IL15RA: variants seen among roughly 807,000 people sequenced by gnomAD.
The protein encoded by IL15RA is interleukin 15 receptor subunit alpha.
A neutral mutation model predicts 24.2 loss-of-function variants in IL15RA; 26 were observed. The ratio of observed to expected loss-of-function variants is 1.07; its 90% CI spans 0.79 to 1.49. The LOEUF (loss-of-function observed/expected upper bound fraction) is 1.49, where lower values mean the gene tolerates loss of function less well. Ranked by LOEUF, IL15RA falls within the 40% of genes most tolerant of loss-of-function variation. The pLI, the probability that IL15RA is intolerant of heterozygous loss-of-function variation, is 0.00. For synonymous variants in IL15RA, 166 were observed against 157.6 expected, an observed-to-expected ratio of 1.05 and a Z score of -0.40; for missense variants, 354 against 356.4, an observed-to-expected ratio of 0.99 and a Z score of 0.05.
Position 5,962,055 on chromosome 10 carries a change from G to A in IL15RA, c.383-1488C>T, listed in dbSNP as rs977692992. Among the ~76,000 whole-genome samples the A allele has an allele frequency of 1.3e-5, 2 of 152,192 alleles. No individual in the cohort carries two copies. The highest frequency in any genetic ancestry group is 2.4e-5 in the African/African-American group (1 of 41,456). ...GCTTCTGACTGCACCATTGTGTCTC[G>A]ACAATGGCCATCGGACCAGGTATTG... On this transcript the variant is annotated intron_variant, in intron 3 of 6. Transcript: ENST00000379977. This position sits in a 1 kb window ranked among gnomAD's most constrained non-coding sequence, Gnocchi z 5.2.
Position 5,968,938 on chromosome 10 carries a change from G to T in IL15RA, c.89-2599C>A. 6.5e-7 allele frequency: 1 copy of T among 1,533,656 alleles called. No homozygotes were observed. The highest frequency in any genetic ancestry group is 8.7e-7 in the Non-Finnish European group (1 of 1,145,112). On this transcript the variant is annotated intron_variant, in intron 1 of 6. Transcript: ENST00000379977. This position sits in a 1 kb window ranked among gnomAD's most constrained non-coding sequence, Gnocchi z 5.4. ...AGCCTGTCTCTTGCATCTGTAACAGGTTTTGTACAGGAAGTGTTCCCTGCC... is the reference window on the plus strand; with the variant it reads ...AGCCTGTCTCTTGCATCTGTAACAGTTTTTGTACAGGAAGTGTTCCCTGCC...
Position 5,962,161 on chromosome 10 carries a change from G to A in IL15RA, c.382+1582C>T, listed in dbSNP as rs1205472653. ...ACCAGGTGTGACTCAGATCAAAGGG[G>A]TTGTAGAATTACTTCAAGTTTAAAT... On this transcript the variant is annotated intron_variant, in intron 3 of 6. Transcript: ENST00000379977. The surrounding 1 kb of genome is among the most constrained non-coding windows in gnomAD (Gnocchi z 5.2). Among the ~76,000 whole-genome samples, 3 of 152,212 alleles carry A rather than the reference G, an allele frequency of 2.0e-5. No homozygotes were observed. Among genetic ancestry groups the A allele is most frequent in the African/African-American group, 4.8e-5 (2 of 41,452 alleles).
At position 5,970,837 on chromosome 10, in the gene IL15RA, T is replaced by C. The variant is rs1346900557; in HGVS notation, c.89-4498A>G. On this transcript the variant is annotated intron_variant, in intron 1 of 6. Coordinates refer to ENST00000379977, the MANE Select transcript of IL15RA (RefSeq NM_002189.4). This position sits in a 1 kb window ranked among gnomAD's most constrained non-coding sequence, Gnocchi z 4.1. ...GCACAATGGCATGATTATGCCCCGCTGCAGCCTCAAACTCCTGGCCTTAAG... is the reference window on the plus strand; with the variant it reads ...GCACAATGGCATGATTATGCCCCGCCGCAGCCTCAAACTCCTGGCCTTAAG... Among the ~76,000 whole-genome samples the C allele has an allele frequency of 6.6e-6, 1 of 151,968 alleles. No individual in the cohort carries two copies. The highest frequency in any genetic ancestry group is 2.4e-5 in the African/African-American group (1 of 41,346).
chr10:5,960,222 G>A lies in IL15RA; in HGVS notation c.583+145C>T, dbSNP rs974171714. ...GAGAAAGAGGTCAGGCCAGGACGCC[G>A]TGGCTGGTGGCCGGGGCCAGCAGGC... On this transcript the variant is annotated intron_variant, in intron 4 of 6. Coordinates refer to ENST00000379977, the MANE Select transcript of IL15RA (RefSeq NM_002189.4). This position sits in a 1 kb window ranked among gnomAD's most constrained non-coding sequence, Gnocchi z 5.1. The A allele has an allele frequency of 1.0e-5, 8 of 776,226 alleles. No individual in the cohort carries two copies. Among genetic ancestry groups the A allele is most frequent in the South Asian group, 4.8e-5 (3 of 62,896 alleles). The allele number at this position is 776,226 out of a possible 1,614,324, so 48.1% of individuals were successfully genotyped here.
intron 6 of IL15RA, 22 bp downstream of exon 6, chr10:5,956,357 G>C: frequency 1.3e-6 from 2 of 1,583,802 alleles, no homozygotes; most frequent in Non-Finnish European, 1.7e-6. Context: ...CTCTTGCAGA[G>C]GGAGTATCCA....
Position 5,960,003 on chromosome 10 carries a change from T to G in IL15RA, c.584-217A>C, listed in dbSNP as rs2132371190. Among the ~76,000 whole-genome samples, 1 of 152,258 alleles carries G rather than the reference T, an allele frequency of 6.6e-6. No homozygotes were observed. The highest frequency in any genetic ancestry group is 2.1e-4 in the South Asian group (1 of 4,824). On this transcript the variant is annotated intron_variant, in intron 4 of 6. Transcript: ENST00000379977. The surrounding 1 kb of genome is among the most constrained non-coding windows in gnomAD (Gnocchi z 5.1). ...GATAAGCCTTACAGAAGGTCCCCAT[T>G]ACCCTCAGCTCCTCCATTCCACAGA... is the stretch of plus-strand genomic sequence containing the variant.
intron 1 of IL15RA, among the ~76,000 whole-genome samples, chr10:5,974,889 T>C (rs1838171356): frequency 6.7e-6 from 1 of 150,010 alleles, no homozygotes; most frequent in East Asian, 1.9e-4. Context: ...AATAAGTAAA[T>C]TAAAAATAAA....
At position 5,967,112 on chromosome 10, in the gene IL15RA, A is replaced by T. The variant is rs1213240346; in HGVS notation, c.89-773T>A. On this transcript the variant is annotated intron_variant, in intron 1 of 6. Transcript: ENST00000379977. The surrounding 1 kb of genome is among the most constrained non-coding windows in gnomAD (Gnocchi z 4.4). The stretch of plus-strand genomic sequence containing the variant: ...TCTCCCACCTCCATCTCAAAAATCC[A>T]CTCCCTTGTGTGTGCACATGTGTGT... Among the ~76,000 whole-genome samples, 1 of 151,478 alleles carries T rather than the reference A, an allele frequency of 6.6e-6. No homozygotes were observed. The highest frequency in any genetic ancestry group is 2.4e-5 in the African/African-American group (1 of 41,132).
At position 5,955,428 on chromosome 10, in the gene IL15RA, C is replaced by T. The variant is rs2132278593; in HGVS notation, c.692+951G>A. On this transcript the variant is annotated intron_variant, in intron 6 of 6. Transcript: ENST00000379977. The surrounding 1 kb of genome is among the most constrained non-coding windows in gnomAD (Gnocchi z 5.3). ...TCACATAATTTTTATATTGATATCA[C>T]ATTTAGAAAAGAATGTTTTATAACT... 6.6e-6 allele frequency among the ~76,000 whole-genome samples: 1 copy of T among 152,144 alleles called. No homozygotes were observed. Among genetic ancestry groups the T allele is most frequent in the South Asian group, 2.1e-4 (1 of 4,820 alleles).
At chr10:5,974,566 A>G (rs1838118254) in intron 1 of IL15RA, among the ~76,000 whole-genome samples, 1 of 152,156 alleles carries the variant, frequency 6.6e-6, no homozygotes, top group South Asian at 2.1e-4. Flanking sequence ...GAAATGGTTT[A>G]GCAGTTTCTT....
intron 5 of IL15RA, among the ~76,000 whole-genome samples, chr10:5,957,998 A>C (rs1834827945): frequency 6.6e-6 from 1 of 152,114 alleles, no homozygotes; most frequent in Non-Finnish European, 1.5e-5. Flanking sequence ...TGACCCCTGA[A>C]CTTTATATGT....
At chr10:5,974,008 GAA>G (rs142005407) in intron 1 of IL15RA, among the ~76,000 whole-genome samples, 1 of 141,234 alleles carries the variant, frequency 7.1e-6, no homozygotes. Context: ...GACAGAGTCA[GAA>G]AAAAAAAAAA....
At position 5,977,424 on chromosome 10, in the gene IL15RA, G is replaced by GAAC; in HGVS notation, c.68_69insGTT (p.Leu23_Arg24insPhe). ...CCCTACCCCGCGTCGCCGGCGGCCGGAGCAGCAGCAGCAGTAGCAGCGCCG... is the reference window on the plus strand; with the variant it reads ...CCCTACCCCGCGTCGCCGGCGGCCGGAACAGCAGCAGCAGCAGTAGCAGCGCCG... On this transcript the variant is annotated inframe_insertion, in exon 1 of 7. Transcript: ENST00000379977. The GAAC allele has an allele frequency of 1.5e-6, 2 of 1,353,752 alleles. No individual in the cohort carries two copies. Among genetic ancestry groups the GAAC allele is most frequent in the Non-Finnish European group, 1.9e-6 (2 of 1,055,932 alleles). The allele number at this position is 1,353,752 out of a possible 1,614,324, so 83.9% of individuals were successfully genotyped here. A position where few individuals can be genotyped will look rare whatever the true frequency, so the allele number is the denominator to read the frequency against.
rs8177722 is a variant in IL15RA, at chr10:5,955,932, G to C, written c.692+447C>G. Among the ~76,000 whole-genome samples, 4,199 of 152,266 alleles carry C rather than the reference G, an allele frequency of 0.028. 184 individuals carry two copies. The highest frequency in any genetic ancestry group is 0.095 in the African/African-American group (3,962 of 41,534). On this transcript the variant is annotated intron_variant, in intron 6 of 6. Coordinates refer to ENST00000379977, the MANE Select transcript of IL15RA (RefSeq NM_002189.4). The surrounding 1 kb of genome is among the most constrained non-coding windows in gnomAD (Gnocchi z 5.3). ...CGGCTCTGGCACTCATTGGCTCCTA[G>C]AGAAGGGGTGTGTGAGAGCCGATGG...
At position 5,963,372 on chromosome 10, in the gene IL15RA, C is replaced by T. The variant is rs1835920137; in HGVS notation, c.382+371G>A. Among the ~76,000 whole-genome samples, 1 of 152,212 alleles carries T rather than the reference C, an allele frequency of 6.6e-6. No homozygotes were observed. The highest frequency in any genetic ancestry group is 1.5e-5 in the Non-Finnish European group (1 of 68,048). The stretch of plus-strand genomic sequence containing the variant: ...AAGCTCCCGCTGCCTGCTGGCCTCC[C>T]ATCCTGGAGTGCCCTCTTTTCTGCC... On this transcript the variant is annotated intron_variant, in intron 3 of 6. Coordinates refer to ENST00000379977, the MANE Select transcript of IL15RA (RefSeq NM_002189.4). The surrounding 1 kb of genome is among the most constrained non-coding windows in gnomAD (Gnocchi z 5.3).
chr10:5,954,401 G>T (rs1020345401), intron 6 of IL15RA, among the ~76,000 whole-genome samples: 3 of 151,436 alleles, frequency 2.0e-5, no homozygotes, highest in African/African-American at 7.3e-5. Flanking sequence ...CACTATGCCC[G>T]ACCATGCCAA....
chr10:5,961,665 C>T lies in IL15RA; in HGVS notation c.383-1098G>A, dbSNP rs1208198497. The stretch of plus-strand genomic sequence containing the variant: ...AGGCTGCCTTGTGTTCAGCGTCTTC[C>T]CTGTCTTCCTTGTCCTTCCCTGGAA... On this transcript the variant is annotated intron_variant, in intron 3 of 6. Transcript: ENST00000379977. The surrounding 1 kb of genome is among the most constrained non-coding windows in gnomAD (Gnocchi z 5.2). Among the ~76,000 whole-genome samples the T allele has an allele frequency of 2.0e-5, 3 of 152,248 alleles. No individual in the cohort carries two copies. The highest frequency in any genetic ancestry group is 2.0e-4 in the Admixed American group (3 of 15,290).
chr10:5,966,272 G>A lies in IL15RA; in HGVS notation c.156C>T (p.Tyr52=). ...AGTTACAAATGTACCGCTCCCTGGAGTACAAGCTGTAGCTCTTGACCCAGA... is the reference window on the plus strand; with the variant it reads ...AGTTACAAATGTACCGCTCCCTGGAATACAAGCTGTAGCTCTTGACCCAGA... ...ADIWVKSYSL[Y]SRERYICNSG... Residue 52 remains tyrosine (Y), a synonymous_variant, in exon 2 of 7, where the codon TAC becomes TAT. Transcript: ENST00000379977. This position sits in a 1 kb window ranked among gnomAD's most constrained non-coding sequence, Gnocchi z 6.4. The A allele has an allele frequency of 6.2e-7, 1 of 1,614,146 alleles. No homozygotes were observed. Among genetic ancestry groups the A allele is most frequent in the South Asian group, 1.1e-5 (1 of 91,088 alleles).
At chr10:5,949,161 CT>C (rs554637804), downstream of IL15RA, 224 of 466,576 alleles carry the variant, frequency 4.8e-4, 3 homozygotes, top group African/African-American at 4.2e-3. This position sits in a 1 kb window ranked among gnomAD's most constrained non-coding sequence, Gnocchi z 4.4. Flanking sequence ...ACGCTGGTGT[CT>C]TCCCTATAGA....
Sources: gnomAD v4.1 joint callset for allele counts (sites outside exome capture counted in the v4.1 genomes callset) on GRCh38, gnomAD v4.1.1 for gene constraint, Gnocchi (gnomAD v3.1) non-coding constraint, MANE v1.5 for transcripts, NCBI Gene and HGNC (gene_info 2026-07-23, HGNC 2026-07-21) for gene names.